The following SP110 variants were observed in gnomAD, a reference collection of about 807,000 sequenced individuals.
SP110 encodes the protein SP110 nuclear body protein, also known as interferon-induced protein 41, 30kD.
SP110 carries 62 observed loss-of-function variants against 92.7 expected under a neutral mutation model. That is an observed-to-expected ratio of 0.67 (90% CI 0.55 to 0.83). The LOEUF is 0.83. Among genes scored for constraint, SP110 ranks in the 40% least tolerant of loss-of-function variants. SP110 has a pLI of 0.00. For missense variants in SP110, 793 were observed against 863.9 expected (o/e 0.92, Z 1.03); for synonymous variants, 273 against 305.3 (o/e 0.89, Z 1.10).
At position 230,212,791 on chromosome 2, in the gene SP110, C is replaced by T. The variant is rs1339495892; in HGVS notation, c.553G>A (p.Ala185Thr). The change falls in exon 4 of 19, where the codon GCA becomes ACA. Residue 185 changes from alanine to threonine, a missense_variant. Ala to Thr is a moderately conservative substitution (Grantham distance 58). Transcript: ENST00000258381. ...SPSDPVLPLP[A>T]LIQEGRSTSV... ...GTGCTTCTTCCTTCCTGGATGAGTGCAGGGAGAGGCAGGACAGGGTCAGAT... is the reference window on the plus strand; with the variant it reads ...GTGCTTCTTCCTTCCTGGATGAGTGTAGGGAGAGGCAGGACAGGGTCAGAT... 2 of 1,613,964 alleles carry T rather than the reference C, an allele frequency of 1.2e-6. No individual in the cohort carries two copies. The highest frequency in any genetic ancestry group is 1.7e-6 in the Non-Finnish European group (2 of 1,179,998).
chr2:230,223,140 G>A (rs1437061398), upstream of SP110, among the ~76,000 whole-genome samples: 1 of 151,618 alleles, frequency 6.6e-6, no homozygotes, highest in African/African-American at 2.4e-5. Context: ...AGGTTCAAGT[G>A]ATTCTCTTTC....
At chr2:230,220,460 T>C (rs1005790996), upstream of SP110, among the ~76,000 whole-genome samples, 1 of 152,092 alleles carries the variant, frequency 6.6e-6, no homozygotes, top group Non-Finnish European at 1.5e-5. Context: ...CTTGTCAGGA[T>C]AAGATTATTA....
chr2:230,177,775 T>A, intron 13 of SP110, 95 bp from the exon 14 acceptor site: 1 of 1,373,258 alleles, frequency 7.3e-7, no homozygotes, highest in Non-Finnish European at 1.0e-6. Context: ...CCTTTCCAGG[T>A]CAAGAGAGAC....
At chr2:230,169,871 G>C (rs778261667) in intron 18 of SP110, among the ~76,000 whole-genome samples, 1 of 152,148 alleles carries the variant, frequency 6.6e-6, no homozygotes, top group East Asian at 1.9e-4. Context: ...CCAGGACTAC[G>C]GATATGCCAG....
chr2:230,173,154 G>A, intron 14 of SP110, 195 bp from the exon 15 acceptor site: 1 of 567,390 alleles, frequency 1.8e-6, no homozygotes, highest in South Asian at 1.7e-5. Context: ...GAGTCTGGGT[G>A]GTGACCGCCG....
At chr2:230,172,757 C>A in intron 15 of SP110, 87 bp downstream of exon 15, 1 of 875,714 alleles carries the variant, frequency 1.1e-6, no homozygotes, top group Non-Finnish European at 1.9e-6. Flanking sequence ...CTCTGCGTCA[C>A]ACCCTCGTCC....
intron 10 of SP110, among the ~76,000 whole-genome samples, chr2:230,197,096 C>T (rs1244530671): frequency 1.3e-5 from 2 of 152,112 alleles, no homozygotes; most frequent in East Asian, 1.9e-4. Flanking sequence ...TTTCTAGTCC[C>T]AGATCCCTGA....
rs144131802 is a variant in SP110, at chr2:230,178,853, T to C, written c.1349-598A>G. ...GCAACTCAGAACCCCTGGGTAGAAA[T>C]CCAGAGTTTAGATTCAGGGGAAGCA... On this transcript the variant is annotated intron_variant, in intron 12 of 18. Coordinates refer to ENST00000258381, the MANE Select transcript of SP110 (RefSeq NM_080424.4). Among the ~76,000 whole-genome samples, 339 of 152,282 alleles carry C rather than the reference T, an allele frequency of 2.2e-3. 3 individuals are homozygous for C. Among genetic ancestry groups the C allele is most frequent in the African/African-American group, 7.8e-3 (323 of 41,548 alleles).
In SP110 at chr2:230,177,686, A is replaced by T. The variant is rs201866278; in HGVS notation, c.1448-6T>A. The stretch of plus-strand genomic sequence containing the variant: ...AATGCACTTCACTGAGGATCCTGTA[A>T]GAAAAAGCCCATTCTTGGATCTACC... On this transcript the variant is annotated splice_polypyrimidine_tract_variant and splice_region_variant and intron_variant, in intron 13 of 18. Coordinates refer to ENST00000258381, the MANE Select transcript of SP110 (RefSeq NM_080424.4). 2 of 1,613,988 alleles carry T rather than the reference A, an allele frequency of 1.2e-6. No individual in the cohort carries two copies. Among genetic ancestry groups the T allele is most frequent in the East Asian group, 4.5e-5 (2 of 44,886 alleles).
chr2:230,220,592 G>A (rs542776973), upstream of SP110, among the ~76,000 whole-genome samples: 2 of 152,316 alleles, frequency 1.3e-5, no homozygotes, highest in South Asian at 4.1e-4. Flanking sequence ...GGAGTCTGAG[G>A]CAGAACTGGG....
At position 230,167,662 on chromosome 2, in the gene SP110, A is replaced by T. The variant is rs756249772; in HGVS notation, c.*1462T>A. Reference sequence around the variant, plus strand: ...CCCATCGCATCAAGAGGTAAGGTCTATTCTCCCTCCTTCTGAATCTGTCCC... The same window carrying T: ...CCCATCGCATCAAGAGGTAAGGTCTTTTCTCCCTCCTTCTGAATCTGTCCC... On this transcript the variant is annotated 3_prime_UTR_variant, in exon 19 of 19. Transcript: ENST00000258381. The T allele has an allele frequency of 6.6e-6, 1 of 152,114 alleles. No individual in the cohort carries two copies. The highest frequency in any genetic ancestry group is 1.5e-5 in the Non-Finnish European group (1 of 68,054). The allele number at this position is 152,114 out of a possible 1,614,324, so 9.4% of individuals were successfully genotyped here.
At chr2:230,170,557 T>A in intron 18 of SP110, 64 bp downstream of exon 18, 1 of 1,594,040 alleles carries the variant, frequency 6.3e-7, no homozygotes, top group East Asian at 2.2e-5. Flanking sequence ...TGCAAAATTC[T>A]GCTGTCCCAG....
intron 1 of SP110, among the ~76,000 whole-genome samples, chr2:230,218,524 G>T (rs1180985672): frequency 1.3e-5 from 2 of 152,186 alleles, no homozygotes; most frequent in African/African-American, 4.8e-5. Flanking sequence ...GAGAAAGGCA[G>T]AGTAAACATA....
At chr2:230,222,806 T>C (rs2045929295), upstream of SP110, among the ~76,000 whole-genome samples, 1 of 151,766 alleles carries the variant, frequency 6.6e-6, no homozygotes, top group Admixed American at 6.6e-5. Flanking sequence ...TGATCTGCTT[T>C]CTATCACCAC....
At position 230,204,251 on chromosome 2, in the gene SP110, C is replaced by T. The variant is rs748003422; in HGVS notation, c.899-1523G>A. Reference sequence around the variant, plus strand: ...TCTGACACTGACTCCAGAGGTTTCCCCTCTCTAACAAAGTCACTTCTCTGA... The same window carrying T: ...TCTGACACTGACTCCAGAGGTTTCCTCTCTCTAACAAAGTCACTTCTCTGA... On this transcript the variant is annotated intron_variant, in intron 8 of 18. Coordinates refer to ENST00000258381, the MANE Select transcript of SP110 (RefSeq NM_080424.4). 1.1e-3 allele frequency among the ~76,000 whole-genome samples: 169 copies of T among 152,256 alleles called. 1 individual carries two copies. The highest frequency in any genetic ancestry group is 6.8e-3 in the Middle Eastern group (2 of 294).
At chr2:230,182,985 G>C (rs1241882402) in intron 12 of SP110, among the ~76,000 whole-genome samples, 1 of 152,186 alleles carries the variant, frequency 6.6e-6, no homozygotes. Context: ...ACCCCACCTT[G>C]GGTAGCACCT....
chr2:230,169,911 C>G (rs138452193), intron 18 of SP110, among the ~76,000 whole-genome samples: 1 of 152,206 alleles, frequency 6.6e-6, no homozygotes, highest in Non-Finnish European at 1.5e-5. Context: ...TCAACCCTTT[C>G]TCCCTGCAGC....
intron 8 of SP110, chr2:230,203,079 T>C (rs2043342680): frequency 5.9e-6 from 2 of 337,020 alleles, no homozygotes; most frequent in Non-Finnish European, 1.1e-5. Flanking sequence ...AGGTGTCTTA[T>C]AAAGCACCTC....
chr2:230,218,548 AAG>A (rs2045487305), intron 1 of SP110, among the ~76,000 whole-genome samples: 1 of 152,140 alleles, frequency 6.6e-6, no homozygotes, highest in South Asian at 2.1e-4. Flanking sequence ...TAAGAAGAGG[AAG>A]GGGTCTTGGA....
Sources: gnomAD v4.1 joint callset for allele counts (sites outside exome capture counted in the v4.1 genomes callset) on GRCh38, gnomAD v4.1.1 for gene constraint, MANE v1.5 for transcripts, NCBI Gene and HGNC (gene_info 2026-07-23, HGNC 2026-07-21) for gene names.